NFIA: variants seen among roughly 807,000 people sequenced by gnomAD.
The protein encoded by NFIA is nuclear factor I A.
NFIA carries 8 observed loss-of-function variants against 62.8 expected under a neutral mutation model. The ratio of observed to expected loss-of-function variants is 0.13; its 90% CI spans 0.07 to 0.23. The LOEUF is 0.23. Ranked by LOEUF, NFIA falls within the 10% of genes least tolerant of loss-of-function variation. The pLI, the probability that NFIA is intolerant of heterozygous loss-of-function variation, is 1.00. For synonymous variants in NFIA, 235 were observed against 238.1 expected (o/e 0.99, Z 0.12); for missense variants, 410 against 642.1 (o/e 0.64, Z 3.91).
At chr1:61,097,273 A>G (rs1646432890) in intron 2 of NFIA, among the ~76,000 whole-genome samples, 1 of 152,218 alleles carries the variant, frequency 6.6e-6, no homozygotes. Context: ...GTTTCCAGAC[A>G]TAGACAGTTC....
intron 4 of NFIA, among the ~76,000 whole-genome samples, chr1:61,342,850 CACTT>C (rs1391626533): frequency 2.6e-5 from 4 of 152,228 alleles, no homozygotes; most frequent in Non-Finnish European, 4.4e-5. Flanking sequence ...CTTCTTCTGT[CACTT>C]ACTTAGTTGC....
chr1:61,433,898 T>C (rs1667215441), intron 10 of NFIA, among the ~76,000 whole-genome samples: 1 of 152,176 alleles, frequency 6.6e-6, no homozygotes, highest in Non-Finnish European at 1.5e-5. Context: ...GACTTGTGTA[T>C]AAGCCATTCA....
At chr1:61,409,474 C>G (rs1047205651) in intron 9 of NFIA, among the ~76,000 whole-genome samples, 1 of 152,214 alleles carries the variant, frequency 6.6e-6, no homozygotes, top group Non-Finnish European at 1.5e-5. Context: ...AATTAAAAAT[C>G]TTGAAGCCCA....
At chr1:61,370,443 A>G (rs967120919) in intron 6 of NFIA, among the ~76,000 whole-genome samples, 1 of 152,180 alleles carries the variant, frequency 6.6e-6, no homozygotes, top group Non-Finnish European at 1.5e-5. Context: ...AGTGGAAGAA[A>G]ACTTCCGGAA....
At chr1:61,166,852 T>A (rs745991528) in intron 2 of NFIA, among the ~76,000 whole-genome samples, 1 of 152,152 alleles carries the variant, frequency 6.6e-6, no homozygotes, top group Non-Finnish European at 1.5e-5. Flanking sequence ...CATCTTTTCC[T>A]TCCTTCTGGC....
intron 4 of NFIA, among the ~76,000 whole-genome samples, chr1:61,335,715 G>T (rs1439463919): frequency 1.3e-5 from 2 of 151,950 alleles, no homozygotes; most frequent in Non-Finnish European, 2.9e-5. Flanking sequence ...GGTGTCGGGC[G>T]CCTGTAATCC....
chr1:61,243,320 C>T (rs1655455751), intron 2 of NFIA, among the ~76,000 whole-genome samples: 1 of 152,068 alleles, frequency 6.6e-6, no homozygotes, highest in South Asian at 2.1e-4. Context: ...TTACATATTT[C>T]CAGAGTATAT....
chr1:61,191,189 T>C (rs577585492), intron 2 of NFIA, among the ~76,000 whole-genome samples: 3 of 152,288 alleles, frequency 2.0e-5, no homozygotes, highest in South Asian at 4.1e-4. Context: ...CATTAAGAGA[T>C]TGGCGATTTT....
chr1:61,321,159 G>T (rs971493769), intron 3 of NFIA, among the ~76,000 whole-genome samples: 7 of 151,806 alleles, frequency 4.6e-5, no homozygotes, highest in Non-Finnish European at 7.4e-5. Context: ...CTGATACTAT[G>T]CTAATTACAG....
Position 61,183,079 on chromosome 1 carries a change from A to G in NFIA, c.559+94399A>G, listed in dbSNP as rs1436172698. 2.6e-5 allele frequency among the ~76,000 whole-genome samples: 4 copies of G among 152,144 alleles called. No individual in the cohort carries two copies. In the East Asian group the frequency reaches 7.7e-4, roughly 29 times the overall value. ...TTATTTCTACCTGTTTCAGTACTAT[A>G]GTACTGGTAAAATGGCACAGTGTAT... On this transcript the variant is annotated intron_variant, in intron 2 of 10. Transcript: ENST00000403491.
intron 2 of NFIA, among the ~76,000 whole-genome samples, chr1:61,192,083 C>T (rs138001546): frequency 0.028 from 4,232 of 152,132 alleles, 190 homozygotes; most frequent in African/African-American, 0.094. Context: ...CTCAGCCTCC[C>T]GAGTAGCTGG....
chr1:61,280,152 T>C (rs1658043968), intron 3 of NFIA, among the ~76,000 whole-genome samples: 1 of 152,232 alleles, frequency 6.6e-6, no homozygotes, highest in African/African-American at 2.4e-5. Flanking sequence ...TTTTTCTCTT[T>C]TCCTTAAAGA....
At chr1:61,126,058 T>A (rs1646961742) in intron 2 of NFIA, among the ~76,000 whole-genome samples, 1 of 152,158 alleles carries the variant, frequency 6.6e-6, no homozygotes. Flanking sequence ...TTTATAACCC[T>A]CAAGTTTACA....
At chr1:61,101,548 A>T (rs1196828683) in intron 2 of NFIA, among the ~76,000 whole-genome samples, 2 of 151,288 alleles carry the variant, frequency 1.3e-5, no homozygotes, top group East Asian at 1.9e-4. Flanking sequence ...ATGAAACAGC[A>T]GGAGAACGAG....
chr1:61,082,697 T>TCC lies in NFIA; in HGVS notation c.-95_-94insCC. ...TTCTCTCTCTCTCTCTCTCTCTCTC[T>TCC]TCCTCTCTCCCTCTTTCTCCTCTCT... On this transcript the variant is annotated 5_prime_UTR_variant, in exon 1 of 11. Coordinates refer to ENST00000403491, the MANE Select transcript of NFIA (RefSeq NM_001134673.4). 1 of 1,533,252 alleles carries TCC rather than the reference T, an allele frequency of 6.5e-7. No homozygotes were observed. 95.0% of individuals were successfully genotyped at this position (1,533,252 alleles called of 1,614,324 possible). A position where few individuals can be genotyped will look rare whatever the true frequency, so the allele number is the denominator to read the frequency against.
intron 4 of NFIA, among the ~76,000 whole-genome samples, chr1:61,350,514 T>C (rs947912694): frequency 4.6e-5 from 7 of 152,182 alleles, no homozygotes; most frequent in African/African-American, 1.7e-4. Context: ...AGCATACCTG[T>C]GGTCCCAGCT....
rs1031097212 is a variant in NFIA, at chr1:61,098,745, G to A, written c.559+10065G>A. Among the ~76,000 whole-genome samples the A allele has an allele frequency of 2.0e-5, 3 of 152,026 alleles. No homozygotes were observed. The East Asian group carries it at 5.8e-4, about 29-fold the overall frequency. On this transcript the variant is annotated intron_variant, in intron 2 of 10. Coordinates refer to ENST00000403491, the MANE Select transcript of NFIA (RefSeq NM_001134673.4). Reference sequence around the variant, plus strand: ...TACAGTTTTAAAAAAATATTTAAATGAACTTTTATTGATTTCTTAGCTTAC... The same window carrying A: ...TACAGTTTTAAAAAAATATTTAAATAAACTTTTATTGATTTCTTAGCTTAC...
At chr1:61,092,064 G>A (rs1407421160) in intron 2 of NFIA, among the ~76,000 whole-genome samples, 1 of 152,108 alleles carries the variant, frequency 6.6e-6, no homozygotes, top group Non-Finnish European at 1.5e-5. Context: ...ATAAAAGCTT[G>A]GAGGCAGCTG....
intron 7 of NFIA, among the ~76,000 whole-genome samples, chr1:61,395,137 T>G (rs1048925862): frequency 6.6e-6 from 1 of 152,120 alleles, no homozygotes; most frequent in African/African-American, 2.4e-5. Flanking sequence ...AAGTAGCCTA[T>G]GCTTTAGTAA....
Sources: allele counts gnomAD v4.1 joint callset (sites outside exome capture counted in the v4.1 genomes callset), GRCh38; gene constraint gnomAD v4.1.1; transcripts MANE v1.5; gene names NCBI Gene and HGNC (gene_info 2026-07-23, HGNC 2026-07-21).